Variants in MAST4 observed in about 807,000 individuals in gnomAD.
MAST4 encodes the protein microtubule-associated serine/threonine-protein kinase 4.
Under a neutral mutation model 162.7 loss-of-function variants are expected in MAST4, and 89 were observed. That is an observed-to-expected ratio of 0.55 (90% CI 0.46 to 0.65). The LOEUF is 0.65. Among genes scored for constraint, MAST4 ranks in the 30% least tolerant of loss-of-function variants. MAST4 has a pLI of 0.00. For synonymous variants in MAST4, 1,479 were observed against 1,361.1 expected, an observed-to-expected ratio of 1.09 and a Z score of -1.91; for missense variants, 3,153 against 3,374.0, an observed-to-expected ratio of 0.93 and a Z score of 1.62.
At chr5:67,034,708 A>G (rs1172615984) in intron 4 of MAST4, among the ~76,000 whole-genome samples, 1 of 152,230 alleles carries the variant, frequency 6.6e-6, no homozygotes, top group Non-Finnish European at 1.5e-5. Flanking sequence ...GCAATATGAT[A>G]ATCACTGCCC....
chr5:66,809,616 C>T, intron 3 of MAST4, among the ~76,000 whole-genome samples: 1 of 152,068 alleles, frequency 6.6e-6, no homozygotes, highest in East Asian at 1.9e-4. Context: ...TAGAAAATCC[C>T]AAGAATACAG....
intron 3 of MAST4, chr5:66,828,697 A>G: frequency 8.1e-7 from 1 of 1,236,464 alleles, no homozygotes; most frequent in Non-Finnish European, 1.1e-6. Context: ...TGAATAACTA[A>G]GCTGGACCAG....
chr5:66,639,970 T>C (rs1202148169), intron 1 of MAST4, among the ~76,000 whole-genome samples: 6 of 152,194 alleles, frequency 3.9e-5, no homozygotes, highest in South Asian at 2.1e-4. Flanking sequence ...AACACTATTC[T>C]CAACAAATTT....
At chr5:66,700,026 C>A (rs199983254) in intron 1 of MAST4, among the ~76,000 whole-genome samples, 1 of 110,244 alleles carries the variant, frequency 9.1e-6, no homozygotes, top group Non-Finnish European at 1.8e-5. Flanking sequence ...GTGAAACTAG[C>A]TGCATGGTTG....
chr5:66,763,888 C>G (rs762696703), intron 2 of MAST4, among the ~76,000 whole-genome samples: 56 of 152,154 alleles, frequency 3.7e-4, no homozygotes, highest in Non-Finnish European at 1.3e-4. Flanking sequence ...TCTGTCTTTA[C>G]TGAGGAGGAG....
intron 3 of MAST4, among the ~76,000 whole-genome samples, chr5:66,874,278 A>T (rs1374872924): frequency 6.6e-6 from 1 of 152,186 alleles, no homozygotes; most frequent in African/African-American, 2.4e-5. Context: ...AAGACCATGG[A>T]GCAGTTATTT....
rs773838694 is a variant in MAST4 at position 67,054,421 on chromosome 5, G to A, written c.692G>A (p.Arg231Gln). ...TTTGATAGTTGCCGAACAAGCAACC[G>A]GAAAAGCTTAATAGGCAATGGGCAG... ...RRGSFCRTSNRKSLIGNGQSP... is the reference protein window; with the variant it reads ...RRGSFCRTSNQKSLIGNGQSP... The change falls in exon 5 of 29, where the codon CGG (arginine) becomes CAG (glutamine). Residue 231 changes from arginine (R) to glutamine (Q), a missense_variant. Arg to Gln is a conservative substitution (Grantham distance 43). Transcript: ENST00000403625. 49 of 1,605,794 alleles carry A rather than the reference G, an allele frequency of 3.1e-5. No individual in the cohort carries two copies. In the Admixed American group the frequency reaches 4.1e-4, roughly 13 times the overall value.
At chr5:66,964,225 T>G (rs1746367812) in intron 4 of MAST4, among the ~76,000 whole-genome samples, 1 of 152,238 alleles carries the variant, frequency 6.6e-6, no homozygotes. Flanking sequence ...TTTTAAATCA[T>G]TTTTTAGAAC....
At chr5:66,599,243 G>C (rs1742398752) in intron 1 of MAST4, among the ~76,000 whole-genome samples, 1 of 152,176 alleles carries the variant, frequency 6.6e-6, no homozygotes, top group African/African-American at 2.4e-5. Context: ...GATGGTATGG[G>C]GCAGGGGGGT....
At chr5:66,806,006 A>G (rs1264176805) in intron 3 of MAST4, among the ~76,000 whole-genome samples, 1 of 152,194 alleles carries the variant, frequency 6.6e-6, no homozygotes, top group Non-Finnish European at 1.5e-5. Context: ...GTTCTCTGCT[A>G]TGGAAACTTT....
chr5:66,608,355 C>CTTTTTTTT (rs72272071), intron 1 of MAST4, among the ~76,000 whole-genome samples: 18 of 44,416 alleles, frequency 4.1e-4, no homozygotes, highest in South Asian at 1.3e-3. Context: ...TGTGCCTGGC[C>CTTTTTTTT]TTTTTTTTTT....
chr5:66,789,988 A>ATTTTTTTTT lies in MAST4; in HGVS notation c.642+1216_642+1224dup, dbSNP rs57743987. On this transcript the variant is annotated intron_variant, in intron 3 of 28. Transcript: ENST00000403625. The stretch of plus-strand genomic sequence containing the variant: ...CTTTATGTTTAACATGCTTATTAGA[A>ATTTTTTTTT]TTTTTTTTTTTTTTTTTTTTTTTTT... Among the ~76,000 whole-genome samples, 44 of 52,474 alleles carry ATTTTTTTTT rather than the reference A, an allele frequency of 8.4e-4. 6 individuals carry two copies. Among genetic ancestry groups the ATTTTTTTTT allele is most frequent in the African/African-American group, 3.5e-3 (31 of 8,750 alleles). 34.4% of individuals were successfully genotyped at this position (52,474 alleles called of 152,430 possible).
intron 4 of MAST4, among the ~76,000 whole-genome samples, chr5:66,916,493 A>G (rs1165606832): frequency 2.0e-5 from 3 of 152,370 alleles, no homozygotes; most frequent in African/African-American, 7.2e-5. Flanking sequence ...TTTGAAAATT[A>G]TGAAATTACT....
At chr5:66,975,961 G>T (rs1748090473) in intron 4 of MAST4, among the ~76,000 whole-genome samples, 1 of 152,126 alleles carries the variant, frequency 6.6e-6, no homozygotes. Context: ...TTGCACCACT[G>T]CACTCCAGCC....
At chr5:66,964,581 C>G (rs1746444188) in intron 4 of MAST4, among the ~76,000 whole-genome samples, 1 of 152,158 alleles carries the variant, frequency 6.6e-6, no homozygotes, top group Non-Finnish European at 1.5e-5. Flanking sequence ...GCGGGCAGAT[C>G]ACGAAGTCAG....
intron 1 of MAST4, among the ~76,000 whole-genome samples, chr5:66,655,969 G>A (rs1318077286): frequency 6.6e-6 from 1 of 152,194 alleles, no homozygotes; most frequent in Non-Finnish European, 1.5e-5. Flanking sequence ...TATTGAAAAT[G>A]TAAGCCCTTA....
At chr5:66,757,909 G>GAT (rs1753639449) in intron 1 of MAST4, among the ~76,000 whole-genome samples, 2 of 152,182 alleles carry the variant, frequency 1.3e-5, no homozygotes, top group East Asian at 3.8e-4. Flanking sequence ...TCTGACTCTA[G>GAT]ATGAACTCAG....
chr5:66,710,288 C>T (rs555380022), intron 1 of MAST4, among the ~76,000 whole-genome samples: 9 of 152,138 alleles, frequency 5.9e-5, no homozygotes, highest in Admixed American at 2.0e-4. Flanking sequence ...AAACTCTGCC[C>T]GCAATAGGCA....
chr5:66,779,702 T>C (rs1314103983), intron 2 of MAST4, among the ~76,000 whole-genome samples: 4 of 152,144 alleles, frequency 2.6e-5, no homozygotes, highest in African/African-American at 7.2e-5. Context: ...GAGTCAGGAC[T>C]ATGAGGGAAG....
Sources: allele counts gnomAD v4.1 joint callset (sites outside exome capture counted in the v4.1 genomes callset), GRCh38; gene constraint gnomAD v4.1.1; transcripts MANE v1.5; gene names NCBI Gene and HGNC (gene_info 2026-07-23, HGNC 2026-07-21).